Variants in SYT9 observed in about 807,000 individuals in gnomAD.
SYT9 encodes synaptotagmin 9.
Under a neutral mutation model 48.4 loss-of-function variants are expected in SYT9, and 22 were observed. That is an observed-to-expected ratio of 0.45 (90% CI 0.32 to 0.65). The LOEUF (loss-of-function observed/expected upper bound fraction) is 0.65, where lower values mean the gene tolerates loss of function less well. Ranked by LOEUF, SYT9 falls within the 30% of genes least tolerant of loss-of-function variation. SYT9 has a pLI of 0.03. For missense variants in SYT9, 577 were observed against 622.0 expected, an observed-to-expected ratio of 0.93 and a Z score of 0.77; for synonymous variants, 265 against 245.0, an observed-to-expected ratio of 1.08 and a Z score of -0.76.
At chr11:7,430,728 C>T (rs1190276285) in intron 6 of SYT9, among the ~76,000 whole-genome samples, 1 of 152,056 alleles carries the variant, frequency 6.6e-6, no homozygotes, top group Non-Finnish European at 1.5e-5. Flanking sequence ...GTGTGTGGCA[C>T]CTTCCACCCT....
intron 6 of SYT9, among the ~76,000 whole-genome samples, chr11:7,450,163 G>A (rs1357398738): frequency 6.6e-6 from 1 of 152,202 alleles, no homozygotes; most frequent in Non-Finnish European, 1.5e-5. Context: ...AAGAAGCTGA[G>A]GCTTAACTAA....
At chr11:7,416,605 T>G (rs1399114451) in intron 4 of SYT9, among the ~76,000 whole-genome samples, 1 of 152,216 alleles carries the variant, frequency 6.6e-6, no homozygotes, top group Non-Finnish European at 1.5e-5. Context: ...ATAACAACTA[T>G]TTACACAGCA....
intron 3 of SYT9, among the ~76,000 whole-genome samples, chr11:7,407,385 T>TCC (rs1255066672): frequency 3.9e-4 from 18 of 45,990 alleles, no homozygotes; most frequent in African/African-American, 8.2e-4. Flanking sequence ...TTTTTTTTTT[T>TCC]TTTTTTGAGA....
intron 3 of SYT9, among the ~76,000 whole-genome samples, chr11:7,410,294 G>A (rs1328179688): frequency 6.6e-6 from 1 of 152,190 alleles, no homozygotes; most frequent in East Asian, 1.9e-4. Flanking sequence ...CATCTGCTTA[G>A]AAGAATGTAT....
intron 6 of SYT9, among the ~76,000 whole-genome samples, chr11:7,463,183 C>T (rs983653368): frequency 1.9e-4 from 29 of 152,140 alleles, no homozygotes; most frequent in Non-Finnish European, 1.5e-5. Flanking sequence ...TGCTTCTGCC[C>T]ATGGAAATGG....
intron 3 of SYT9, among the ~76,000 whole-genome samples, chr11:7,361,464 T>C (rs943945244): frequency 6.6e-6 from 1 of 152,232 alleles, no homozygotes; most frequent in Non-Finnish European, 1.5e-5. Flanking sequence ...TCAACTTTTA[T>C]AACTATTCCA....
intron 3 of SYT9, among the ~76,000 whole-genome samples, chr11:7,324,001 G>C (rs1334377134): frequency 6.6e-6 from 1 of 151,752 alleles, no homozygotes; most frequent in Non-Finnish European, 1.5e-5. Context: ...GTCATTTTGT[G>C]TATGATTGAA....
chr11:7,432,414 G>A (rs1343974637), intron 6 of SYT9, among the ~76,000 whole-genome samples: 2 of 151,314 alleles, frequency 1.3e-5, no homozygotes, highest in African/African-American at 2.4e-5. Context: ...GGGCATGGTG[G>A]CAGGTGCCTT....
intron 3 of SYT9, among the ~76,000 whole-genome samples, chr11:7,374,140 C>G (rs1850412463): frequency 6.6e-6 from 1 of 152,082 alleles, no homozygotes; most frequent in Non-Finnish European, 1.5e-5. Flanking sequence ...TCTCATTGTT[C>G]AACTCCCACT....
chr11:7,400,481 T>C (rs1846867111), intron 3 of SYT9, among the ~76,000 whole-genome samples: 1 of 152,098 alleles, frequency 6.6e-6, no homozygotes, highest in Non-Finnish European at 1.5e-5. Flanking sequence ...CAAACAATGG[T>C]GAAATAGTCA....
chr11:7,355,708 C>T (rs1850008555), intron 3 of SYT9, among the ~76,000 whole-genome samples: 1 of 152,186 alleles, frequency 6.6e-6, no homozygotes, highest in African/African-American at 2.4e-5. Flanking sequence ...ATGGAACTCA[C>T]CTTAGAGATC....
intron 1 of SYT9, among the ~76,000 whole-genome samples, chr11:7,271,723 C>T (rs2346805): frequency 0.64 from 97,090 of 151,880 alleles, 31,408 homozygotes; most frequent in East Asian, 0.73. Flanking sequence ...ACTACAGGCA[C>T]GTGCCACCAT....
At chr11:7,396,156 T>C (rs1846747718) in intron 3 of SYT9, among the ~76,000 whole-genome samples, 1 of 152,126 alleles carries the variant, frequency 6.6e-6, no homozygotes, top group African/African-American at 2.4e-5. Flanking sequence ...CTTATAATCA[T>C]GTAAACATTG....
At chr11:7,398,389 A>T (rs1846799855) in intron 3 of SYT9, among the ~76,000 whole-genome samples, 1 of 149,688 alleles carries the variant, frequency 6.7e-6, no homozygotes, top group Non-Finnish European at 1.5e-5. Flanking sequence ...GTCCATGAGG[A>T]TACTGATCTA....
chr11:7,440,138 T>C lies in SYT9; in HGVS notation c.1467+19503T>C, dbSNP rs541389767. 2.0e-5 allele frequency: 3 copies of C among 152,390 alleles called. No individual in the cohort carries two copies. The East Asian group carries it at 5.8e-4, about 29-fold the overall frequency. 9.4% of individuals were successfully genotyped at this position (152,390 alleles called of 1,614,324 possible). ...ACCTGAAGACTCACCAGAACACGTA[T>C]GGACTTGCAGCTGTCCAGAAGCACA... On this transcript the variant is annotated intron_variant, in intron 6 of 6. Transcript: ENST00000318881.
chr11:7,273,852 A>G (rs1848339065), intron 1 of SYT9, among the ~76,000 whole-genome samples: 1 of 152,180 alleles, frequency 6.6e-6, no homozygotes, highest in Non-Finnish European at 1.5e-5. Flanking sequence ...TTGAACAATG[A>G]GAACACATGG....
chr11:7,291,691 GAA>G (rs35813527), intron 1 of SYT9, among the ~76,000 whole-genome samples: 2 of 146,420 alleles, frequency 1.4e-5, no homozygotes, highest in African/African-American at 5.1e-5. Flanking sequence ...GTGCTCTGGG[GAA>G]AAAAAAAAAA....
At chr11:7,373,446 G>C (rs1321888619) in intron 3 of SYT9, among the ~76,000 whole-genome samples, 1 of 151,972 alleles carries the variant, frequency 6.6e-6, no homozygotes, top group African/African-American at 2.4e-5. Context: ...CATATGTCGA[G>C]CTCTGGAGGT....
At chr11:7,394,184 T>G (rs1846698118) in intron 3 of SYT9, among the ~76,000 whole-genome samples, 1 of 151,954 alleles carries the variant, frequency 6.6e-6, no homozygotes. Context: ...ATTGTTCAAT[T>G]CCCACCTATG....
Sources: allele counts gnomAD v4.1 joint callset (sites outside exome capture counted in the v4.1 genomes callset), GRCh38; gene constraint gnomAD v4.1.1; transcripts MANE v1.5; gene names NCBI Gene and HGNC (gene_info 2026-07-23, HGNC 2026-07-21).